Variants in NRXN1 observed in about 807,000 individuals in gnomAD.
The protein encoded by NRXN1 is neurexin 1, also known as neurexin-1.
A neutral mutation model predicts 150.9 loss-of-function variants in NRXN1; 39 were observed. That is an observed-to-expected ratio of 0.26 (90% CI 0.20 to 0.34). NRXN1 has a LOEUF of 0.34. Ranked by LOEUF, NRXN1 falls within the 10% of genes least tolerant of loss-of-function variation. NRXN1 has a pLI of 1.00. For synonymous variants in NRXN1, 924 were observed against 757.0 expected (o/e 1.22, Z -3.62); for missense variants, 1,815 against 1,949.9 (o/e 0.93, Z 1.30).
At chr2:50,006,823 G>A (rs1190055783) in intron 21 of NRXN1, among the ~76,000 whole-genome samples, 1 of 152,022 alleles carries the variant, frequency 6.6e-6, no homozygotes, top group Non-Finnish European at 1.5e-5. Context: ...ATCATGTTTT[G>A]TTTACTTCTC....
intron 19 of NRXN1, among the ~76,000 whole-genome samples, chr2:50,070,697 G>A (rs1301716487): frequency 2.0e-5 from 3 of 149,738 alleles, no homozygotes; most frequent in Non-Finnish European, 4.4e-5. Flanking sequence ...GTGAACCCGG[G>A]AGGCGGAGCT....
chr2:50,915,225 T>C (rs1453535452), intron 5 of NRXN1, among the ~76,000 whole-genome samples: 1 of 151,658 alleles, frequency 6.6e-6, no homozygotes, highest in Non-Finnish European at 1.5e-5. Flanking sequence ...GAAATATATC[T>C]ACTTAGCTTT....
At chr2:50,359,263 G>A (rs1031217465) in intron 17 of NRXN1, among the ~76,000 whole-genome samples, 6 of 151,872 alleles carry the variant, frequency 4.0e-5, no homozygotes, top group Admixed American at 6.6e-5. Flanking sequence ...TGAGTTTGAC[G>A]AATTGACAGA....
intron 17 of NRXN1, among the ~76,000 whole-genome samples, chr2:50,249,173 T>C (rs1426489992): frequency 6.7e-6 from 1 of 148,234 alleles, no homozygotes; most frequent in Admixed American, 6.7e-5. Context: ...AAAAAAAGAA[T>C]GAAATATTGT....
At chr2:50,443,129 T>C (rs750650170) in intron 17 of NRXN1, among the ~76,000 whole-genome samples, 6 of 151,956 alleles carry the variant, frequency 3.9e-5, no homozygotes, top group South Asian at 4.2e-4. Flanking sequence ...ATGAGGTAGA[T>C]GTTTAAGGTT....
chr2:50,294,662 G>T (rs72824906), intron 17 of NRXN1, among the ~76,000 whole-genome samples: 1 of 152,280 alleles, frequency 6.6e-6, no homozygotes, highest in East Asian at 1.9e-4. Flanking sequence ...TCTGGAGAAG[G>T]AATGGTATTT....
chr2:50,933,516 G>C (rs1344690413), intron 2 of NRXN1, among the ~76,000 whole-genome samples: 1 of 152,038 alleles, frequency 6.6e-6, no homozygotes, highest in African/African-American at 2.4e-5. Flanking sequence ...TGGAAAAAAA[G>C]TGTTTTGTGT....
chr2:50,190,638 G>A (rs1189832414), intron 18 of NRXN1, among the ~76,000 whole-genome samples: 1 of 135,104 alleles, frequency 7.4e-6, no homozygotes, highest in African/African-American at 2.7e-5. Context: ...TTGAGACAGA[G>A]TTTCACTCTT....
intron 5 of NRXN1, among the ~76,000 whole-genome samples, chr2:50,854,574 A>G (rs1674993033): frequency 6.6e-6 from 1 of 152,082 alleles, no homozygotes. Context: ...TATTTCCAAG[A>G]TATCTCATGA....
At chr2:50,662,093 C>G (rs1335322254) in intron 5 of NRXN1, among the ~76,000 whole-genome samples, 1 of 152,056 alleles carries the variant, frequency 6.6e-6, no homozygotes, top group African/African-American at 2.4e-5. Flanking sequence ...TTCAATTCCT[C>G]TCAACAGGCA....
chr2:50,815,002 G>C (rs1668723977), intron 5 of NRXN1, among the ~76,000 whole-genome samples: 1 of 151,804 alleles, frequency 6.6e-6, no homozygotes. Context: ...CTATGTCATA[G>C]AATCAGAAAA....
At chr2:50,823,453 T>C (rs1181927743) in intron 5 of NRXN1, among the ~76,000 whole-genome samples, 4 of 152,104 alleles carry the variant, frequency 2.6e-5, no homozygotes, top group African/African-American at 9.7e-5. Context: ...TGTCAAATAA[T>C]AGATACTCCA....
At chr2:50,379,849 C>T (rs922639327) in intron 17 of NRXN1, among the ~76,000 whole-genome samples, 1 of 152,078 alleles carries the variant, frequency 6.6e-6, no homozygotes, top group African/African-American at 2.4e-5. Context: ...TTTAAACACC[C>T]AGTTCTACCA....
chr2:50,098,921 A>G (rs74922569), intron 18 of NRXN1, among the ~76,000 whole-genome samples: 1,922 of 132,636 alleles, frequency 0.014, 46 homozygotes, highest in African/African-American at 0.05. Context: ...ATAAGGAATC[A>G]GAAGTGGGCA....
intron 5 of NRXN1, among the ~76,000 whole-genome samples, chr2:50,878,862 T>C (rs1020297427): frequency 2.0e-5 from 3 of 151,968 alleles, no homozygotes; most frequent in Non-Finnish European, 4.4e-5. Flanking sequence ...CCCCAAAGAT[T>C]CTCATGTACA....
intron 16 of NRXN1, 94 bp from the exon 17 acceptor site, chr2:50,465,655 A>C: frequency 7.6e-7 from 1 of 1,324,412 alleles, no homozygotes; most frequent in Non-Finnish European, 1.0e-6. Context: ...TGCCAACACC[A>C]CAGATGATAT....
intron 21 of NRXN1, among the ~76,000 whole-genome samples, chr2:50,009,458 C>T (rs910912897): frequency 1.3e-5 from 2 of 152,074 alleles, no homozygotes; most frequent in Non-Finnish European, 2.9e-5. Context: ...AAGGGACACC[C>T]CACCTTGATT....
intron 17 of NRXN1, 63 bp downstream of exon 17, chr2:50,465,379 T>C (rs2088711359): frequency 9.4e-6 from 14 of 1,482,292 alleles, no homozygotes; most frequent in Non-Finnish European, 1.2e-5. Context: ...TGTTAGACTT[T>C]AGATATCAAA....
chr2:50,026,043 G>T (rs1352357485), intron 21 of NRXN1, among the ~76,000 whole-genome samples: 1 of 152,122 alleles, frequency 6.6e-6, no homozygotes, highest in East Asian at 1.9e-4. Context: ...TCCATATACA[G>T]GCATATGGCT....
Sources: allele counts gnomAD v4.1 joint callset (sites outside exome capture counted in the v4.1 genomes callset), GRCh38; gene constraint gnomAD v4.1.1; transcripts MANE v1.5; gene names NCBI Gene and HGNC (gene_info 2026-07-23, HGNC 2026-07-21).